The following FGF7 variants were observed in gnomAD, a reference collection of about 807,000 sequenced individuals.
The protein encoded by FGF7 is fibroblast growth factor 7.
A neutral mutation model predicts 20.5 loss-of-function variants in FGF7; 6 were observed. The observed-to-expected ratio is 0.29, with a 90% confidence interval of 0.16 to 0.58. The LOEUF (loss-of-function observed/expected upper bound fraction) is 0.58, where lower values mean the gene tolerates loss of function less well. Ranked by LOEUF, FGF7 falls within the 20% of genes least tolerant of loss-of-function variation. FGF7 has a pLI of 0.90. For synonymous variants in FGF7, 64 were observed against 74.7 expected (o/e 0.86, Z 0.74); for missense variants, 144 against 228.8 (o/e 0.63, Z 2.39).
chr15:49,473,037 G>C (rs1188109154), intron 2 of FGF7, among the ~76,000 whole-genome samples: 2 of 152,120 alleles, frequency 1.3e-5, no homozygotes, highest in Non-Finnish European at 2.9e-5. Flanking sequence ...GACCACTCAT[G>C]TTTCCAAAGG....
Position 49,424,358 on chromosome 15 carries a change from A to C in FGF7, c.61A>C (p.Ile21Leu). 1 of 1,613,654 alleles carries C rather than the reference A, an allele frequency of 6.2e-7. No individual in the cohort carries two copies. The change falls in exon 2 of 4, where the codon ATT becomes CTT. Residue 21 changes from isoleucine to leucine, a missense_variant. Physicochemically the swap from Ile to Leu is conservative, Grantham distance 5 (BLOSUM62 2). Around this residue, in one of 2 missense-constraint regions of FGF7, gnomAD observed 88 missense variants for 103.4 expected, o/e 0.85. Coordinates refer to ENST00000267843, the MANE Select transcript of FGF7 (RefSeq NM_002009.4). Reference protein sequence around the residue: ...PTLLYRSCFHIICLVGTISLA... With the variant: ...PTLLYRSCFHLICLVGTISLA... Reference sequence around the variant, plus strand: ...TTTGCTCTACAGATCATGCTTTCACATTATCTGTCTAGTGGGTACTATATC... The same window carrying C: ...TTTGCTCTACAGATCATGCTTTCACCTTATCTGTCTAGTGGGTACTATATC...
chr15:49,461,726 C>T (rs2053817304), intron 2 of FGF7, among the ~76,000 whole-genome samples: 2 of 152,180 alleles, frequency 1.3e-5, no homozygotes, highest in South Asian at 2.1e-4. Flanking sequence ...AATTTTTATA[C>T]TCCATTAAAA....
At chr15:49,450,739 A>T (rs2052647269) in intron 2 of FGF7, among the ~76,000 whole-genome samples, 1 of 151,852 alleles carries the variant, frequency 6.6e-6, no homozygotes, top group Admixed American at 6.6e-5. Flanking sequence ...ATCCAGTTTA[A>T]CAAAACTAAT....
At chr15:49,427,481 T>C (rs904962651) in intron 2 of FGF7, among the ~76,000 whole-genome samples, 1 of 152,050 alleles carries the variant, frequency 6.6e-6, no homozygotes, top group Admixed American at 6.6e-5. Flanking sequence ...TTTCAACAGG[T>C]TGTCATGTCA....
At chr15:49,472,152 GA>G (rs1172165283) in intron 2 of FGF7, among the ~76,000 whole-genome samples, 6 of 152,058 alleles carry the variant, frequency 3.9e-5, no homozygotes, top group African/African-American at 1.4e-4. Context: ...TACATTTTAT[GA>G]AGAACGCATT....
At chr15:49,456,388 C>T (rs1474342925) in intron 2 of FGF7, among the ~76,000 whole-genome samples, 2 of 151,932 alleles carry the variant, frequency 1.3e-5, no homozygotes. Flanking sequence ...GTCATTTCTG[C>T]CAATTAAAAT....
At chr15:49,479,603 T>G (rs1296915619) in intron 2 of FGF7, among the ~76,000 whole-genome samples, 1 of 67,304 alleles carries the variant, frequency 1.5e-5, no homozygotes, top group Non-Finnish European at 2.9e-5. Context: ...ACCTCTGTTT[T>G]TTTTTTTTTT....
chr15:49,471,439 C>T (rs1392500594), intron 2 of FGF7, among the ~76,000 whole-genome samples: 2 of 150,490 alleles, frequency 1.3e-5, no homozygotes, highest in South Asian at 4.2e-4. Context: ...ACCTAGATGG[C>T]GCCACTGCAC....
intron 2 of FGF7, among the ~76,000 whole-genome samples, chr15:49,456,795 A>G (rs2053336343): frequency 6.6e-6 from 1 of 152,156 alleles, no homozygotes. Context: ...GGAAGTCACA[A>G]ATAAACAAAA....
rs150741014 is a variant in FGF7 at position 49,480,875 on chromosome 15, T to C, written c.287-2276T>C. ...TTGGGAGAGGGGCAATATGAACTTA[T>C]TGTCATGACTGGACCAAAAAGGGAA... On this transcript the variant is annotated intron_variant, in intron 2 of 3. Transcript: ENST00000267843. 7.2e-3 allele frequency among the ~76,000 whole-genome samples: 1,102 copies of C among 152,302 alleles called. 6 individuals carry two copies. Among genetic ancestry groups the C allele is most frequent in the Non-Finnish European group, 0.012 (818 of 68,020 alleles).
At chr15:49,474,998 AAGAT>A (rs77757878) in intron 2 of FGF7, among the ~76,000 whole-genome samples, 45,846 of 151,814 alleles carry the variant, frequency 0.3, 7,272 homozygotes, top group East Asian at 0.38. Context: ...CAAACTATAA[AAGAT>A]AGAATAAACT....
rs1387647167 is a variant in FGF7 at position 49,433,690 on chromosome 15, A to G, written c.286+9107A>G. ...TATTGTAGAGGCCAACTATATAAGC[A>G]GACACAGTTACCACTGGTGACACTG... On this transcript the variant is annotated intron_variant, in intron 2 of 3. Transcript: ENST00000267843. Among the ~76,000 whole-genome samples, 6 of 151,778 alleles carry G rather than the reference A, an allele frequency of 4.0e-5. No individual in the cohort carries two copies. The South Asian group carries it at 1.0e-3, about 26-fold the overall frequency.
intron 2 of FGF7, among the ~76,000 whole-genome samples, chr15:49,478,941 A>G (rs2055623168): frequency 6.6e-6 from 1 of 152,240 alleles, no homozygotes. Flanking sequence ...ACCTAAAATT[A>G]TGAAAGATTT....
Position 49,476,232 on chromosome 15 carries a change from G to GTTTTTTTTTTTTTTTTTTTTTT in FGF7, c.287-6906_287-6905insTTTTTTTTTTTTTTTTTTTTTT. On this transcript the variant is annotated intron_variant, in intron 2 of 3. Transcript: ENST00000267843. ...TTGCTGTTTTGTTTTTTTGTTTTTG[G>GTTTTTTTTTTTTTTTTTTTTTT]TTTTTTTTTTTTTGCATTTGGCATA... Among the ~76,000 whole-genome samples, 59 of 57,426 alleles carry GTTTTTTTTTTTTTTTTTTTTTT rather than the reference G, an allele frequency of 1.0e-3. 11 individuals are homozygous for GTTTTTTTTTTTTTTTTTTTTTT. The highest frequency in any genetic ancestry group is 1.7e-3 in the Non-Finnish European group (46 of 27,458). The allele number at this position is 57,426 out of a possible 152,430, so 37.7% of individuals were successfully genotyped here.
chr15:49,450,699 C>A (rs2052644336), intron 2 of FGF7, among the ~76,000 whole-genome samples: 1 of 152,132 alleles, frequency 6.6e-6, no homozygotes, highest in Non-Finnish European at 1.5e-5. Context: ...TCCCACATCA[C>A]AGGTTTTCAA....
chr15:49,427,075 C>T (rs2050194590), intron 2 of FGF7, among the ~76,000 whole-genome samples: 1 of 151,838 alleles, frequency 6.6e-6, no homozygotes. Flanking sequence ...TGGAGAATAA[C>T]ATGTTAGAAG....
At chr15:49,468,807 C>A (rs146255392) in intron 2 of FGF7, among the ~76,000 whole-genome samples, 1 of 152,198 alleles carries the variant, frequency 6.6e-6, no homozygotes, top group Middle Eastern at 3.2e-3. Flanking sequence ...TATCCCAATA[C>A]TAGCACTGAC....
chr15:49,426,001 TATC>T (rs939039642), intron 2 of FGF7, among the ~76,000 whole-genome samples: 1 of 151,512 alleles, frequency 6.6e-6, no homozygotes, highest in African/African-American at 2.4e-5. Flanking sequence ...TCATGGATAA[TATC>T]ATGGATATAA....
intron 2 of FGF7, among the ~76,000 whole-genome samples, chr15:49,444,793 T>A (rs187756592): frequency 8.4e-4 from 128 of 151,826 alleles, no homozygotes; most frequent in Non-Finnish European, 5.9e-4. Context: ...CAAGAATCAA[T>A]TTAAGCCATC....
Sources: allele counts gnomAD v4.1 joint callset (sites outside exome capture counted in the v4.1 genomes callset), GRCh38; gene constraint gnomAD v4.1.1; regional missense constraint gnomAD v4.1.1; transcripts MANE v1.5; gene names NCBI Gene and HGNC (gene_info 2026-07-23, HGNC 2026-07-21).